Variants in ZNF786 observed in about 807,000 individuals in gnomAD.
The protein encoded by ZNF786 is zinc finger protein 786.
In ZNF786, 56 loss-of-function variants were observed where a neutral mutation model predicts 63.1. That is an observed-to-expected ratio of 0.89 (90% confidence interval 0.72 to 1.11). ZNF786 has a LOEUF of 1.11. Ranked by LOEUF, ZNF786 falls within the 50% of genes least tolerant of loss-of-function variation. The pLI, the probability that ZNF786 is intolerant of heterozygous loss-of-function variation, is 0.00. For synonymous variants in ZNF786, 485 were observed against 406.9 expected (o/e 1.19, Z -2.31); for missense variants, 1,213 against 1,041.8 (o/e 1.16, Z -2.26).
intron 1 of ZNF786, among the ~76,000 whole-genome samples, chr7:149,087,020 T>G (rs1304763734): frequency 6.6e-6 from 1 of 152,098 alleles, no homozygotes; most frequent in African/African-American, 2.4e-5. Flanking sequence ...TTTTTGTATT[T>G]TTAGTAGAGG....
At chr7:149,075,116 A>C (rs1357589677) in intron 2 of ZNF786, among the ~76,000 whole-genome samples, 1 of 152,194 alleles carries the variant, frequency 6.6e-6, no homozygotes, top group African/African-American at 2.4e-5. Context: ...GGCATAAACC[A>C]CTGCGCCCAG....
intron 2 of ZNF786, among the ~76,000 whole-genome samples, chr7:149,079,110 G>A (rs751802917): frequency 3.3e-5 from 5 of 152,066 alleles, no homozygotes; most frequent in Non-Finnish European, 7.4e-5. Flanking sequence ...ACTGAATGTG[G>A]AGATAAGAAT....
chr7:149,090,275 A>C (rs1393673479), intron 1 of ZNF786, among the ~76,000 whole-genome samples: 1 of 152,204 alleles, frequency 6.6e-6, no homozygotes, highest in East Asian at 1.9e-4. Flanking sequence ...TATGATGTAA[A>C]ACTGGTTGAC....
chr7:149,074,346 T>G (rs775057739), intron 3 of ZNF786, 40 bp downstream of exon 3: 1 of 1,606,704 alleles, frequency 6.2e-7, no homozygotes, highest in Non-Finnish European at 8.5e-7. Context: ...AATCTGAACA[T>G]GATGTCTCAA....
At chr7:149,072,628 G>A (rs939329989) in intron 3 of ZNF786, among the ~76,000 whole-genome samples, 155 bp from the exon 4 acceptor site, 3 of 152,182 alleles carry the variant, frequency 2.0e-5, no homozygotes, top group Non-Finnish European at 4.4e-5. Context: ...TCTCATGGCC[G>A]TGAGTTTGGT....
chr7:149,071,886 C>T lies in ZNF786; in HGVS notation c.886G>A (p.Ala296Thr), dbSNP rs201540233. 261 of 1,602,754 alleles carry T rather than the reference C, an allele frequency of 1.6e-4. 1 individual carries two copies. In the African/African-American group the frequency reaches 3.2e-3, roughly 20 times the overall value. The change falls in exon 4 of 4, where the codon GCC becomes ACC. Residue 296 changes from alanine (A) to threonine (T), a missense_variant. Physicochemically the swap from Ala to Thr is moderately conservative, Grantham distance 58 (BLOSUM62 0). Transcript: ENST00000491431. ...HRLPQQGEKP[A>T]QCTPCGKRSL... is the part of the protein sequence containing the mutation. ...CGCTTGCCGCATGGGGTGCACTGGG[C>T]AGGCTTCTCCCCCTGCTGCGGGAGG...
In ZNF786 at chr7:149,074,862, T is replaced by C. The variant is rs561945582; in HGVS notation, c.146-324A>G. 5.0e-3 allele frequency among the ~76,000 whole-genome samples: 758 copies of C among 152,064 alleles called. 4 individuals are homozygous for C. The highest frequency in any genetic ancestry group is 6.9e-3 in the Non-Finnish European group (472 of 67,978). The stretch of plus-strand genomic sequence containing the variant: ...AAAATTAATTATTTATTTTTTGAGA[T>C]GGGTTCTCACTCCAGTTGCCAAGGC... On this transcript the variant is annotated intron_variant, in intron 2 of 3. Coordinates refer to ENST00000491431, the MANE Select transcript of ZNF786 (RefSeq NM_152411.4).
At chr7:149,089,568 C>T (rs1045803234) in intron 1 of ZNF786, among the ~76,000 whole-genome samples, 25 of 151,774 alleles carry the variant, frequency 1.6e-4, no homozygotes, top group Non-Finnish European at 3.1e-4. Flanking sequence ...CTGCCCACCT[C>T]GGCCTCTCAA....
In ZNF786 at chr7:149,071,628, C is replaced by T. The variant is rs770491115; in HGVS notation, c.1144G>A (p.Ala382Thr). 2.5e-6 allele frequency: 4 copies of T among 1,584,844 alleles called. No homozygotes were observed. The highest frequency in any genetic ancestry group is 2.6e-6 in the Non-Finnish European group (3 of 1,168,598). Residue 382 changes from alanine to threonine, a missense_variant, in exon 4 of 4, where the codon GCC becomes ACC. Transcript: ENST00000491431. ...SECGERSPMSARLASPCRAHT... is the reference protein window; with the variant it reads ...SECGERSPMSTRLASPCRAHT... ...GCCCTGCAGGGGCTGGCGAGCCTGG[C>T]GCTCATAGGGGAGCGCTCGCCACAC...
At chr7:149,074,733 A>G (rs956127517) in intron 2 of ZNF786, among the ~76,000 whole-genome samples, 195 bp from the exon 3 acceptor site, 1 of 151,792 alleles carries the variant, frequency 6.6e-6, no homozygotes, top group Admixed American at 6.6e-5. Flanking sequence ...GGCATGTTAG[A>G]TCAGGTATGT....
chr7:149,071,476 C>T lies in ZNF786; in HGVS notation c.1296G>A (p.Lys432=), dbSNP rs748714560. Residue 432 remains lysine, a synonymous_variant, in exon 4 of 4, where the codon AAG becomes AAA. Coordinates refer to ENST00000491431, the MANE Select transcript of ZNF786 (RefSeq NM_152411.4). The part of the protein sequence containing the change: ...ERPFSCRKCG[K]GFAKQCKLTE... ...TGAGTTTACACTGCTTGGCGAAGCC[C>T]TTGCCACACTTCCTGCAGGAGAACG... The T allele has an allele frequency of 6.2e-7, 1 of 1,611,968 alleles. No homozygotes were observed. The highest frequency in any genetic ancestry group is 1.1e-5 in the South Asian group (1 of 91,028).
Position 149,070,829 on chromosome 7 carries a change from G to C in ZNF786, c.1943C>G (p.Pro648Arg). ...GCCCTTGCCGCACTCACAGGAGAAA[G>C]GCATCTCCCCGCTGTGCAGCAGCTG... ...AHQLLHSGEM[P>R]FSCECGKGFV... Residue 648 changes from proline (P) to arginine (R), a missense_variant, in exon 4 of 4, where the codon CCT becomes CGT. By Grantham distance (103) the Pro-to-Arg change is moderately radical (BLOSUM62 -2). Transcript: ENST00000491431. The C allele has an allele frequency of 6.2e-7, 1 of 1,613,738 alleles. No individual in the cohort carries two copies. The highest frequency in any genetic ancestry group is 1.7e-5 in the Admixed American group (1 of 60,016).
intron 2 of ZNF786, among the ~76,000 whole-genome samples, chr7:149,079,238 C>A (rs530180186): frequency 2.6e-5 from 4 of 152,100 alleles, no homozygotes; most frequent in Admixed American, 2.6e-4. Context: ...GAAACCCTGT[C>A]TCTACTAAAA....
At chr7:149,076,357 C>T (rs182074545) in intron 2 of ZNF786, among the ~76,000 whole-genome samples, 260 of 151,112 alleles carry the variant, frequency 1.7e-3, no homozygotes, top group African/African-American at 5.6e-3. Flanking sequence ...TCAGGTGATC[C>T]GGCTGCCTCG....
chr7:149,085,413 G>A (rs1041031891), intron 1 of ZNF786, among the ~76,000 whole-genome samples: 2 of 152,184 alleles, frequency 1.3e-5, no homozygotes, highest in African/African-American at 4.8e-5. Flanking sequence ...TACCAAAACA[G>A]TAACAAAATG....
intron 1 of ZNF786, chr7:149,081,260 A>G (rs1291533704): frequency 2.3e-6 from 1 of 426,384 alleles, no homozygotes; most frequent in African/African-American, 2.1e-5. Flanking sequence ...ACGTGGTGAA[A>G]CCCCACCTCT....
chr7:149,084,069 T>C (rs544640488), intron 1 of ZNF786, among the ~76,000 whole-genome samples: 80 of 152,184 alleles, frequency 5.3e-4, no homozygotes, highest in Non-Finnish European at 8.7e-4. Flanking sequence ...TAGGGTCAAA[T>C]GGTAATTCTG....
intron 2 of ZNF786, among the ~76,000 whole-genome samples, chr7:149,077,208 A>G (rs1825567615): frequency 6.6e-6 from 1 of 152,192 alleles, no homozygotes; most frequent in African/African-American, 2.4e-5. Context: ...GTTCTTTAGG[A>G]TCAGCTTATC....
chr7:149,078,381 C>T (rs1825595479), intron 2 of ZNF786, among the ~76,000 whole-genome samples: 1 of 151,958 alleles, frequency 6.6e-6, no homozygotes, highest in Admixed American at 6.6e-5. Context: ...ATACATACAG[C>T]CTGCAAAAGT....
Sources: allele counts gnomAD v4.1 joint callset (sites outside exome capture counted in the v4.1 genomes callset), GRCh38; gene constraint gnomAD v4.1.1; transcripts MANE v1.5; gene names NCBI Gene and HGNC (gene_info 2026-07-23, HGNC 2026-07-21).